The following ST8SIA4 variants were observed in gnomAD, a reference collection of about 807,000 sequenced individuals.
ST8SIA4 encodes CMP-N-acetylneuraminate-poly-alpha-2,8-sialyltransferase.
A neutral mutation model predicts 33.9 loss-of-function variants in ST8SIA4; 15 were observed. That is an observed-to-expected ratio of 0.44 (90% confidence interval 0.30 to 0.68). ST8SIA4 has a LOEUF of 0.68. Ranked by LOEUF, ST8SIA4 falls within the 30% of genes least tolerant of loss-of-function variation. The pLI, the probability that ST8SIA4 is intolerant of heterozygous loss-of-function variation, is 0.10. For missense variants in ST8SIA4, 321 were observed against 428.0 expected (o/e 0.75, Z 2.21); for synonymous variants, 171 against 151.2 (o/e 1.13, Z -0.96).
chr5:100,901,956 T>G (rs1262888918), intron 1 of ST8SIA4, among the ~76,000 whole-genome samples: 1 of 152,130 alleles, frequency 6.6e-6, no homozygotes, highest in East Asian at 1.9e-4. Context: ...TGGTGTGTAG[T>G]TTCTGATAGA....
chr5:100,860,214 A>G (rs1306379883), intron 3 of ST8SIA4, among the ~76,000 whole-genome samples: 1 of 152,178 alleles, frequency 6.6e-6, no homozygotes, highest in African/African-American at 2.4e-5. Flanking sequence ...GTTAATATTC[A>G]GACAAATTCC....
At chr5:100,816,486 T>C in intron 4 of ST8SIA4, 1 of 523,556 alleles carries the variant, frequency 1.9e-6, no homozygotes, top group South Asian at 1.5e-5. Context: ...TTAGAAGTAT[T>C]ACATTGGTGC....
chr5:100,867,696 A>G (rs1752098569), intron 3 of ST8SIA4, among the ~76,000 whole-genome samples: 1 of 152,030 alleles, frequency 6.6e-6, no homozygotes, highest in South Asian at 2.1e-4. Context: ...TTAATACCAT[A>G]TTCACTTGTC....
Position 100,856,526 on chromosome 5 carries a change from C to G in ST8SIA4, c.504-130G>C, listed in dbSNP as rs1751817062. Reference sequence around the variant, plus strand: ...TGTGAAAAGAAAACCAAAAGATCATCTACTTGGTAAGATTACATTTTCAAT... The same window carrying G: ...TGTGAAAAGAAAACCAAAAGATCATGTACTTGGTAAGATTACATTTTCAAT... On this transcript the variant is annotated intron_variant, in intron 3 of 4. Transcript: ENST00000231461. 3 of 845,264 alleles carry G rather than the reference C, an allele frequency of 3.5e-6. No homozygotes were observed. In the Admixed American group the frequency reaches 8.7e-5, roughly 24 times the overall value. 52.4% of individuals were successfully genotyped at this position (845,264 alleles called of 1,614,324 possible).
chr5:100,812,779 GATA>G (rs1750841041), intron 4 of ST8SIA4, among the ~76,000 whole-genome samples: 1 of 152,098 alleles, frequency 6.6e-6, no homozygotes, highest in Admixed American at 6.5e-5. Flanking sequence ...TTTCAATGCT[GATA>G]AGTACTTTAT....
chr5:100,876,471 C>G (rs1752309485), intron 3 of ST8SIA4, among the ~76,000 whole-genome samples: 1 of 151,956 alleles, frequency 6.6e-6, no homozygotes, highest in African/African-American at 2.4e-5. Context: ...AGGACATTAT[C>G]TTTTTTTATA....
chr5:100,897,789 G>A (rs565781870), intron 1 of ST8SIA4, among the ~76,000 whole-genome samples: 7 of 152,288 alleles, frequency 4.6e-5, no homozygotes, highest in Admixed American at 3.3e-4. Flanking sequence ...TGATGAAAAT[G>A]ATACGTTTGC....
intron 3 of ST8SIA4, among the ~76,000 whole-genome samples, chr5:100,880,397 G>C (rs891235042): frequency 6.6e-6 from 1 of 152,126 alleles, no homozygotes; most frequent in Non-Finnish European, 1.5e-5. Context: ...ACTTGCAGAG[G>C]ATATTCTGTA....
chr5:100,810,940 G>T lies in ST8SIA4; in HGVS notation c.*907C>A, dbSNP rs937177499. 1.3e-5 allele frequency: 2 copies of T among 152,356 alleles called. No individual in the cohort carries two copies. The highest frequency in any genetic ancestry group is 2.9e-5 in the Non-Finnish European group (2 of 68,108). 9.4% of individuals were successfully genotyped at this position (152,356 alleles called of 1,614,324 possible). ...CGCCTGTAATCCCAGCACTTTGGGA[G>T]GCCAAGGCGGGTGGATCACGAGGTC... is the stretch of plus-strand genomic sequence containing the variant. On this transcript the variant is annotated 3_prime_UTR_variant, in exon 5 of 5. Transcript: ENST00000231461.
intron 4 of ST8SIA4, among the ~76,000 whole-genome samples, chr5:100,845,740 C>G (rs1334638261): frequency 6.6e-6 from 1 of 151,898 alleles, no homozygotes; most frequent in Admixed American, 6.6e-5. Context: ...ATTTCCCCAG[C>G]TAAAATATTT....
chr5:100,902,994 G>T lies in ST8SIA4; in HGVS notation c.-39C>A. ...GAAAGTCCTGGTTGCCCCAGCTCCC[G>T]CACCTTCTCTTGATATAAAGGCTCC... On this transcript the variant is annotated 5_prime_UTR_variant, in exon 1 of 5. Transcript: ENST00000231461. The T allele has an allele frequency of 5.5e-6, 8 of 1,458,970 alleles. No homozygotes were observed. The highest frequency in any genetic ancestry group is 1.1e-5 in the South Asian group (1 of 87,922). 90.4% of individuals were successfully genotyped at this position (1,458,970 alleles called of 1,614,324 possible).
intron 3 of ST8SIA4, among the ~76,000 whole-genome samples, chr5:100,874,805 A>G (rs1280846292): frequency 1.3e-5 from 2 of 151,914 alleles, no homozygotes; most frequent in Non-Finnish European, 2.9e-5. Context: ...GCTGGTCTCA[A>G]ACTCCTGGAA....
intron 3 of ST8SIA4, among the ~76,000 whole-genome samples, chr5:100,883,606 C>T (rs1448169932): frequency 1.3e-5 from 2 of 152,130 alleles, no homozygotes; most frequent in African/African-American, 2.4e-5. Flanking sequence ...ACCTAAATCT[C>T]GTCTCAAATT....
intron 1 of ST8SIA4, among the ~76,000 whole-genome samples, chr5:100,896,453 G>T (rs1313441337): frequency 6.6e-6 from 1 of 152,062 alleles, no homozygotes; most frequent in Non-Finnish European, 1.5e-5. Flanking sequence ...ATGGGGAATG[G>T]GGAGAAATTG....
At chr5:100,856,020 A>C (rs532221026) in intron 4 of ST8SIA4, 83 bp downstream of exon 4, 83 of 1,259,068 alleles carry the variant, frequency 6.6e-5, no homozygotes, top group Non-Finnish European at 9.0e-5. Flanking sequence ...GATTTTACTG[A>C]AGCTTATTCT....
At chr5:100,867,303 T>G (rs1383231091) in intron 3 of ST8SIA4, among the ~76,000 whole-genome samples, 1 of 152,106 alleles carries the variant, frequency 6.6e-6, no homozygotes, top group African/African-American at 2.4e-5. Flanking sequence ...ATTCTCAAGA[T>G]GTATGTATCC....
At chr5:100,823,465 C>T (rs1751075456) in intron 4 of ST8SIA4, among the ~76,000 whole-genome samples, 1 of 152,178 alleles carries the variant, frequency 6.6e-6, no homozygotes, top group African/African-American at 2.4e-5. Context: ...TGAATTCTTT[C>T]TTACGTGAGA....
chr5:100,842,378 C>A (rs916707746), intron 4 of ST8SIA4, among the ~76,000 whole-genome samples: 1 of 151,742 alleles, frequency 6.6e-6, no homozygotes, highest in Non-Finnish European at 1.5e-5. Context: ...TGGAGACTTG[C>A]TGATGGATTA....
chr5:100,824,847 G>T (rs886962529), intron 4 of ST8SIA4, among the ~76,000 whole-genome samples: 3 of 150,674 alleles, frequency 2.0e-5, no homozygotes, highest in Non-Finnish European at 1.5e-5. Context: ...GGTCCTGGAG[G>T]CCAAAGGTGT....
Sources: gnomAD v4.1 joint callset for allele counts (sites outside exome capture counted in the v4.1 genomes callset) on GRCh38, gnomAD v4.1.1 for gene constraint, MANE v1.5 for transcripts, NCBI Gene and HGNC (gene_info 2026-07-23, HGNC 2026-07-21) for gene names.